Variants in FREM3 observed in about 807,000 individuals in gnomAD.
FREM3 encodes FRAS1-related extracellular matrix protein 3.
FREM3 carries 105 observed loss-of-function variants against 129.1 expected under a neutral mutation model. The observed-to-expected ratio is 0.81, with a 90% confidence interval of 0.69 to 0.96. FREM3 has a LOEUF of 0.96. FREM3 is among the 40% of genes least tolerant of loss of function. The pLI is 0.00. For missense variants in FREM3, 2,593 were observed against 2,666.3 expected (o/e 0.97, Z 0.61); for synonymous variants, 1,014 against 1,044.9 (o/e 0.97, Z 0.57).
intron 2 of FREM3, among the ~76,000 whole-genome samples, chr4:143,692,586 T>C (rs1740492707): frequency 6.6e-6 from 1 of 152,144 alleles, no homozygotes. Context: ...AAGTTAATAG[T>C]AGACAGACCA....
At chr4:143,616,489 A>G (rs1738850821) in intron 5 of FREM3, among the ~76,000 whole-genome samples, 1 of 152,194 alleles carries the variant, frequency 6.6e-6, no homozygotes, top group Admixed American at 6.5e-5. Context: ...GAACCCTTTA[A>G]GAATTATCCA....
intron 5 of FREM3, among the ~76,000 whole-genome samples, chr4:143,619,865 G>C (rs528012985): frequency 6.6e-6 from 1 of 152,070 alleles, no homozygotes; most frequent in Non-Finnish European, 1.5e-5. Flanking sequence ...AATGTTGTGG[G>C]GGTATTATTT....
Position 143,699,732 on chromosome 4 carries a change from A to G in FREM3, c.944T>C (p.Met315Thr). ...TGTCAGCACCAGTGGATCCACCTCC[A>G]TCATCATCGTGGCCATGAAGCTGGG... ...PRPSFMATMMMEVDPLVLTAL... is the reference protein window; with the variant it reads ...PRPSFMATMMTEVDPLVLTAL... Residue 315 changes from methionine (M) to threonine (T), a missense_variant, in exon 1 of 8, where the codon ATG becomes ACG. By Grantham distance (81) the Met-to-Thr change is moderately conservative. Around this residue, in one of 2 missense-constraint regions of FREM3, gnomAD observed 2,276 missense variants for 2,267.2 expected, o/e 1.00. Coordinates refer to ENST00000329798, the MANE Select transcript of FREM3 (RefSeq NM_001168235.2). This position sits in a 1 kb window ranked among gnomAD's most constrained non-coding sequence, Gnocchi z 4.2. The G allele has an allele frequency of 1.3e-6, 2 of 1,518,720 alleles. No homozygotes were observed. The highest frequency in any genetic ancestry group is 1.8e-6 in the Non-Finnish European group (2 of 1,136,324). The allele number at this position is 1,518,720 out of a possible 1,614,324, so 94.1% of individuals were successfully genotyped here. A position where few individuals can be genotyped will look rare whatever the true frequency, so the allele number is the denominator to read the frequency against.
chr4:143,681,180 G>T (rs1177193906), intron 2 of FREM3, among the ~76,000 whole-genome samples: 18 of 152,000 alleles, frequency 1.2e-4, no homozygotes, highest in Admixed American at 1.2e-3. Context: ...AATTGACTTG[G>T]TTCCTCTAAA....
chr4:143,641,314 A>G (rs1186657421), intron 2 of FREM3, among the ~76,000 whole-genome samples: 1 of 109,766 alleles, frequency 9.1e-6, no homozygotes, highest in East Asian at 6.9e-4. Flanking sequence ...CATGAAAAAA[A>G]GGAGATAAAA....
At chr4:143,639,648 C>T (rs1560854139) in intron 2 of FREM3, among the ~76,000 whole-genome samples, 1 of 152,062 alleles carries the variant, frequency 6.6e-6, no homozygotes, top group Non-Finnish European at 1.5e-5. Flanking sequence ...GCTTTAAGCT[C>T]CCTGGAGGTC....
intron 6 of FREM3, among the ~76,000 whole-genome samples, chr4:143,605,105 C>T (rs1337842684): frequency 6.6e-6 from 1 of 152,122 alleles, no homozygotes; most frequent in Non-Finnish European, 1.5e-5. Flanking sequence ...TAAGAGTCTA[C>T]TAAGACCATT....
intron 5 of FREM3, among the ~76,000 whole-genome samples, chr4:143,618,263 C>T (rs1194283888): frequency 1.3e-5 from 2 of 151,916 alleles, no homozygotes; most frequent in East Asian, 3.9e-4. Context: ...ATCCAACTTC[C>T]CACATGATTT....
chr4:143,645,010 C>G (rs1038089592), intron 2 of FREM3: 1 of 152,184 alleles, frequency 6.6e-6, no homozygotes, highest in African/African-American at 2.4e-5. Context: ...ATAAAGCGAA[C>G]TGGGGATAAG....
intron 6 of FREM3, among the ~76,000 whole-genome samples, chr4:143,610,821 C>T (rs533880487): frequency 8.5e-4 from 130 of 152,254 alleles, no homozygotes; most frequent in East Asian, 1.2e-3. Context: ...TGGAGGCAAA[C>T]GCCCTGCTAG....
chr4:143,651,009 C>G (rs915734931), intron 2 of FREM3, among the ~76,000 whole-genome samples: 4 of 152,192 alleles, frequency 2.6e-5, no homozygotes, highest in Non-Finnish European at 5.9e-5. Flanking sequence ...TATTTGATCA[C>G]TATAGTGGTC....
intron 6 of FREM3, among the ~76,000 whole-genome samples, chr4:143,587,524 G>A (rs1296122094): frequency 6.6e-6 from 1 of 152,172 alleles, no homozygotes; most frequent in Non-Finnish European, 1.5e-5. Flanking sequence ...ATGGCACAGT[G>A]ATCAGGTCAG....
intron 6 of FREM3, among the ~76,000 whole-genome samples, chr4:143,597,985 T>C (rs1738511661): frequency 6.6e-6 from 1 of 152,210 alleles, no homozygotes; most frequent in Non-Finnish European, 1.5e-5. Flanking sequence ...GCCTTCTTGC[T>C]ATACACTTAT....
At chr4:143,586,359 G>C (rs927402445) in intron 6 of FREM3, among the ~76,000 whole-genome samples, 1 of 152,222 alleles carries the variant, frequency 6.6e-6, no homozygotes, top group African/African-American at 2.4e-5. Flanking sequence ...GGAGAAGTTA[G>C]AGAGGCTTTT....
In FREM3 at chr4:143,697,906, G is replaced by C; in HGVS notation, c.2770C>G (p.His924Asp). ...ATTGGGATGGTGATGGGTATATGGT[G>C]CACCCCATCACTTACTTCCAGATGG... ...TFHLEVSDGV[H>D]HIPITIPISV... The change falls in exon 1 of 8, where the codon CAC becomes GAC. Residue 924 changes from histidine to aspartate, a missense_variant. Transcript: ENST00000329798. 6.5e-7 allele frequency: 1 copy of C among 1,537,880 alleles called. No homozygotes were observed. Among genetic ancestry groups the C allele is most frequent in the Non-Finnish European group, 8.7e-7 (1 of 1,147,056 alleles).
chr4:143,624,406 G>T, intron 3 of FREM3, 68 bp from the exon 4 acceptor site: 1 of 943,864 alleles, frequency 1.1e-6, no homozygotes, highest in Non-Finnish European at 1.6e-6. Context: ...CTTTCAAAGT[G>T]GTTTCTATTG....
intron 6 of FREM3, among the ~76,000 whole-genome samples, chr4:143,588,526 G>A (rs559173124): frequency 6.6e-6 from 1 of 152,134 alleles, no homozygotes; most frequent in Non-Finnish European, 1.5e-5. Flanking sequence ...AGTTTGCTGA[G>A]AATGATGGTT....
chr4:143,699,031 T>C lies in FREM3; in HGVS notation c.1645A>G (p.Asn549Asp). ...VDDEPPMVNT[N>D]TGLSLTEGQV... ...CCTTCAGTGAGTGAGAGTCCTGTGT[T>C]AGTATTGACCATTGGTGGTTCATCA... Residue 549 changes from asparagine to aspartate, a missense_variant, in exon 1 of 8, where the codon AAC becomes GAC. By Grantham distance (23) the Asn-to-Asp change is conservative. Transcript: ENST00000329798. The surrounding 1 kb of genome is among the most constrained non-coding windows in gnomAD (Gnocchi z 4.2). 1 of 1,537,322 alleles carries C rather than the reference T, an allele frequency of 6.5e-7. No homozygotes were observed. Among genetic ancestry groups the C allele is most frequent in the Non-Finnish European group, 8.7e-7 (1 of 1,146,910 alleles).
rs1740609551 is a variant in FREM3, at chr4:143,697,908, A to G, written c.2768T>C (p.Val923Ala). The G allele has an allele frequency of 6.5e-7, 1 of 1,537,698 alleles. No homozygotes were observed. The highest frequency in any genetic ancestry group is 1.4e-5 in the African/African-American group (1 of 72,992). The change falls in exon 1 of 8, where the codon GTG (valine) becomes GCG (alanine). Residue 923 changes from valine to alanine, a missense_variant. By Grantham distance (64) the Val-to-Ala change is moderately conservative. Around this residue, in one of 2 missense-constraint regions of FREM3, gnomAD observed 2,276 missense variants for 2,267.2 expected, o/e 1.00. Transcript: ENST00000329798. ...TGGGATGGTGATGGGTATATGGTGC[A>G]CCCCATCACTTACTTCCAGATGGAA... ...DTFHLEVSDGVHHIPITIPIS... is the reference protein window; with the variant it reads ...DTFHLEVSDGAHHIPITIPIS...
Sources: gnomAD v4.1 joint callset for allele counts (sites outside exome capture counted in the v4.1 genomes callset) on GRCh38, gnomAD v4.1.1 for gene constraint, gnomAD v4.1.1 regional missense constraint, Gnocchi (gnomAD v3.1) non-coding constraint, MANE v1.5 for transcripts, NCBI Gene and HGNC (gene_info 2026-07-23, HGNC 2026-07-21) for gene names.